ERBB4: variants seen among roughly 807,000 people sequenced by gnomAD.
ERBB4 encodes the protein receptor tyrosine-protein kinase erbB-4.
Under a neutral mutation model 158.0 loss-of-function variants are expected in ERBB4, and 42 were observed. That is an observed-to-expected ratio of 0.27 (90% CI 0.21 to 0.34). The LOEUF (loss-of-function observed/expected upper bound fraction) is 0.34. Ranked by LOEUF, ERBB4 falls within the 10% of genes least tolerant of loss-of-function variation. The probability of loss-of-function intolerance (pLI) is 1.00; values close to 1 mark genes in which losing one functional copy is unlikely to be tolerated. For synonymous variants in ERBB4, 583 were observed against 558.7 expected (o/e 1.04, Z -0.61); for missense variants, 1,333 against 1,624.1 (o/e 0.82, Z 3.08).
chr2:212,171,515 T>C (rs2081518727), intron 1 of ERBB4, among the ~76,000 whole-genome samples: 1 of 152,084 alleles, frequency 6.6e-6, no homozygotes, highest in South Asian at 2.1e-4. Flanking sequence ...CAGAATGATA[T>C]GGTTTGGCTC....
At chr2:211,485,315 G>T (rs1237800657) in intron 20 of ERBB4, among the ~76,000 whole-genome samples, 1 of 152,168 alleles carries the variant, frequency 6.6e-6, no homozygotes, top group Non-Finnish European at 1.5e-5. Context: ...AGATGTAACA[G>T]TCTGCTTTCT....
intron 1 of ERBB4, among the ~76,000 whole-genome samples, chr2:212,453,665 G>T (rs1688124644): frequency 6.6e-6 from 1 of 152,096 alleles, no homozygotes; most frequent in Admixed American, 6.5e-5. Flanking sequence ...TATTACACCA[G>T]GGTCTTTTGT....
Position 211,383,377 on chromosome 2 carries a change from T to C in ERBB4, c.*238A>G. The C allele has an allele frequency of 1.9e-6, 1 of 534,690 alleles. No individual in the cohort carries two copies. Among genetic ancestry groups the C allele is most frequent in the Admixed American group, 3.2e-5 (1 of 31,308 alleles). The allele number at this position is 534,690 out of a possible 1,614,324, so 33.1% of individuals were successfully genotyped here. A position where few individuals can be genotyped will look rare whatever the true frequency, so the allele number is the denominator to read the frequency against. The stretch of plus-strand genomic sequence containing the variant: ...TCCTTCTCTAGCTGTTTCATTCTCC[T>C]GACCAACCCATGCAGAGAAATGAAG... On this transcript the variant is annotated 3_prime_UTR_variant, in exon 28 of 28. Transcript: ENST00000342788.
intron 2 of ERBB4, among the ~76,000 whole-genome samples, chr2:212,065,609 G>A (rs1197755282): frequency 1.3e-5 from 2 of 151,946 alleles, no homozygotes; most frequent in African/African-American, 4.8e-5. Flanking sequence ...TTTGTTCTTA[G>A]AAGGCAACTG....
chr2:211,678,325 A>C (rs1430088047), intron 13 of ERBB4, among the ~76,000 whole-genome samples: 1 of 151,712 alleles, frequency 6.6e-6, no homozygotes, highest in African/African-American at 2.4e-5. Flanking sequence ...AAACAAAAAA[A>C]AAAAAACAAG....
At chr2:211,634,522 G>A (rs1190584874) in intron 16 of ERBB4, among the ~76,000 whole-genome samples, 1 of 151,798 alleles carries the variant, frequency 6.6e-6, no homozygotes, top group Non-Finnish European at 1.5e-5. Flanking sequence ...TTTTTTTCCT[G>A]AGAATTTATG....
chr2:211,394,908 C>CT (rs2062877919), intron 25 of ERBB4, among the ~76,000 whole-genome samples: 2 of 152,060 alleles, frequency 1.3e-5, no homozygotes, highest in African/African-American at 4.8e-5. Flanking sequence ...AGTCACATGA[C>CT]TTTTAACAAA....
chr2:211,760,538 G>A (rs1160897630), intron 4 of ERBB4, among the ~76,000 whole-genome samples: 1 of 152,136 alleles, frequency 6.6e-6, no homozygotes, highest in Admixed American at 6.5e-5. Context: ...TGCATTTGTG[G>A]TTCTGAATCA....
chr2:211,774,041 A>G (rs986136704), intron 4 of ERBB4, among the ~76,000 whole-genome samples: 14 of 150,888 alleles, frequency 9.3e-5, no homozygotes, highest in Admixed American at 6.0e-4. Flanking sequence ...ACGGTCTTAG[A>G]TTGTTCAGAT....
At position 211,751,082 on chromosome 2, in the gene ERBB4, G is replaced by C. The variant is rs575812681; in HGVS notation, c.557-378C>G. 6.6e-4 allele frequency among the ~76,000 whole-genome samples: 101 copies of C among 152,116 alleles called. 2 individuals are homozygous for C. The highest frequency in any genetic ancestry group is 2.4e-3 in the African/African-American group (100 of 41,484). ...ATTTCCAGAGATCACACCTTACTGA[G>C]AGCAACATATATTAAAAAGTAAAGC... On this transcript the variant is annotated intron_variant, in intron 4 of 27. Transcript: ENST00000342788.
intron 1 of ERBB4, among the ~76,000 whole-genome samples, chr2:212,438,337 C>A (rs2092182559): frequency 6.6e-6 from 1 of 152,152 alleles, no homozygotes; most frequent in South Asian, 2.1e-4. Flanking sequence ...GAGAAAAATA[C>A]CATTAAATGT....
At chr2:212,174,287 A>G (rs968885188) in intron 1 of ERBB4, among the ~76,000 whole-genome samples, 2 of 152,138 alleles carry the variant, frequency 1.3e-5, no homozygotes, top group African/African-American at 4.8e-5. Context: ...GCAGATGTTT[A>G]TTAAATATGT....
At chr2:212,391,638 A>T (rs1279338302) in intron 1 of ERBB4, among the ~76,000 whole-genome samples, 1 of 121,766 alleles carries the variant, frequency 8.2e-6, no homozygotes, top group African/African-American at 3.4e-5. Context: ...TTATATTGAC[A>T]TATAATATTA....
chr2:212,337,100 A>G (rs2088479488), intron 1 of ERBB4, among the ~76,000 whole-genome samples: 1 of 152,094 alleles, frequency 6.6e-6, no homozygotes, highest in African/African-American at 2.4e-5. Context: ...TACATTTATT[A>G]TCTTTTTTTT....
intron 1 of ERBB4, among the ~76,000 whole-genome samples, chr2:212,377,005 G>C (rs2090344927): frequency 6.6e-6 from 1 of 151,908 alleles, no homozygotes; most frequent in East Asian, 1.9e-4. Context: ...ATTGTTGGGA[G>C]AGAGATGAAA....
chr2:212,500,743 C>T (rs112247055), intron 1 of ERBB4, among the ~76,000 whole-genome samples: 1,890 of 152,094 alleles, frequency 0.012, 41 homozygotes, highest in African/African-American at 0.043. Flanking sequence ...ATCCATCTAT[C>T]AATATACAGC....
intron 1 of ERBB4, among the ~76,000 whole-genome samples, chr2:212,180,639 C>T (rs1180485396): frequency 3.3e-5 from 5 of 151,802 alleles, no homozygotes; most frequent in South Asian, 2.1e-4. Flanking sequence ...ACTTAAAATA[C>T]GGAATTTCTA....
At chr2:211,769,157 G>A (rs562764656) in intron 4 of ERBB4, among the ~76,000 whole-genome samples, 1 of 152,212 alleles carries the variant, frequency 6.6e-6, no homozygotes, top group Non-Finnish European at 1.5e-5. Context: ...GCAAAATGCT[G>A]CCAGTCTCTT....
intron 1 of ERBB4, among the ~76,000 whole-genome samples, chr2:212,406,790 C>T (rs2091356901): frequency 6.6e-6 from 1 of 152,028 alleles, no homozygotes; most frequent in Non-Finnish European, 1.5e-5. Context: ...AGTGATTCTC[C>T]ATTACCATCA....
Sources: allele counts gnomAD v4.1 joint callset (sites outside exome capture counted in the v4.1 genomes callset), GRCh38; gene constraint gnomAD v4.1.1; transcripts MANE v1.5; gene names NCBI Gene and HGNC (gene_info 2026-07-23, HGNC 2026-07-21).